The following EPHB1 variants were observed in gnomAD, a reference collection of about 807,000 sequenced individuals.
EPHB1 encodes the protein EPH receptor B1, also known as ephrin type-B receptor 1.
Under a neutral mutation model 94.4 loss-of-function variants are expected in EPHB1, and 30 were observed. The observed-to-expected ratio is 0.32, with a 90% CI of 0.24 to 0.43. The LOEUF (loss-of-function observed/expected upper bound fraction) is 0.43. Ranked by LOEUF, EPHB1 falls within the 20% of genes least tolerant of loss-of-function variation. The pLI is 1.00. For synonymous variants in EPHB1, 522 were observed against 489.1 expected (o/e 1.07, Z -0.89); for missense variants, 1,055 against 1,308.3 (o/e 0.81, Z 2.99).
intron 12 of EPHB1, among the ~76,000 whole-genome samples, chr3:135,226,743 T>G (rs1943413283): frequency 6.6e-6 from 1 of 152,160 alleles, no homozygotes; most frequent in Non-Finnish European, 1.5e-5. Flanking sequence ...TTGGCCTATC[T>G]GAAGAAAGAA....
At chr3:134,933,212 T>A (rs1242156162) in intron 2 of EPHB1, among the ~76,000 whole-genome samples, 1 of 152,138 alleles carries the variant, frequency 6.6e-6, no homozygotes, top group Non-Finnish European at 1.5e-5. Context: ...ACAGTGTAGG[T>A]TTCATGCTGG....
At chr3:135,110,928 G>C (rs900371008) in intron 4 of EPHB1, among the ~76,000 whole-genome samples, 1 of 152,226 alleles carries the variant, frequency 6.6e-6, no homozygotes, top group African/African-American at 2.4e-5. Context: ...AGACTGCCCA[G>C]GAGTGGGACA....
intron 4 of EPHB1, among the ~76,000 whole-genome samples, chr3:135,117,219 C>G (rs1939755935): frequency 6.6e-6 from 1 of 152,208 alleles, no homozygotes; most frequent in Admixed American, 6.5e-5. Flanking sequence ...AGGAATGAGT[C>G]TTATAGTCAG....
chr3:135,090,525 C>A (rs1427075107), intron 3 of EPHB1, among the ~76,000 whole-genome samples: 1 of 152,346 alleles, frequency 6.6e-6, no homozygotes, highest in East Asian at 1.9e-4. Context: ...TCTAGACTTG[C>A]AAAGTGCTAC....
At chr3:135,037,018 G>A (rs1936667373) in intron 3 of EPHB1, among the ~76,000 whole-genome samples, 1 of 152,086 alleles carries the variant, frequency 6.6e-6, no homozygotes. Flanking sequence ...GAAGATAGAT[G>A]GATTGTTGTT....
At chr3:135,112,811 C>G (rs1375677162) in intron 4 of EPHB1, among the ~76,000 whole-genome samples, 3 of 151,842 alleles carry the variant, frequency 2.0e-5, no homozygotes, top group Non-Finnish European at 2.9e-5. Flanking sequence ...TGGGTTGGTT[C>G]CAAGTCTTTG....
intron 1 of EPHB1, among the ~76,000 whole-genome samples, chr3:134,852,301 C>T (rs1357902441): frequency 1.3e-5 from 2 of 152,158 alleles, no homozygotes. Flanking sequence ...CAGCTTTTCA[C>T]AGATGGCTCT....
intron 1 of EPHB1, among the ~76,000 whole-genome samples, chr3:134,924,268 T>G (rs930136791): frequency 6.6e-5 from 10 of 152,182 alleles, no homozygotes; most frequent in Non-Finnish European, 1.3e-4. Flanking sequence ...ATTAAAAACT[T>G]CTGATTTTTG....
At chr3:135,035,227 T>C (rs1050432354) in intron 3 of EPHB1, among the ~76,000 whole-genome samples, 5 of 152,188 alleles carry the variant, frequency 3.3e-5, no homozygotes, top group African/African-American at 1.2e-4. Context: ...CTGTCCTGCA[T>C]CCATCGCTCC....
chr3:135,225,070 C>T (rs914938438), intron 12 of EPHB1, among the ~76,000 whole-genome samples: 9 of 152,146 alleles, frequency 5.9e-5, no homozygotes, highest in African/African-American at 1.7e-4. Flanking sequence ...AGCAGACAAG[C>T]TCCTCTCTGC....
intron 4 of EPHB1, among the ~76,000 whole-genome samples, chr3:135,132,195 G>T (rs375233394): frequency 6.6e-6 from 1 of 152,088 alleles, no homozygotes; most frequent in East Asian, 1.9e-4. Flanking sequence ...CTGGAAGCCT[G>T]TCCCTACAGA....
chr3:135,058,655 C>G (rs1937409996), intron 3 of EPHB1, among the ~76,000 whole-genome samples: 1 of 152,180 alleles, frequency 6.6e-6, no homozygotes, highest in African/African-American at 2.4e-5. Flanking sequence ...GCTAACATCC[C>G]CAGCATGTGA....
chr3:134,804,777 G>A (rs1578098779), intron 1 of EPHB1, among the ~76,000 whole-genome samples: 1 of 152,294 alleles, frequency 6.6e-6, no homozygotes, highest in South Asian at 2.1e-4. Context: ...GACATCAGAG[G>A]AGGACACTAG....
chr3:134,998,487 G>T (rs1238143351), intron 3 of EPHB1, among the ~76,000 whole-genome samples: 1 of 152,182 alleles, frequency 6.6e-6, no homozygotes, highest in Admixed American at 6.5e-5. Context: ...GTTAGGATGA[G>T]CATGTACTAA....
chr3:134,905,368 A>G (rs1207516670), intron 1 of EPHB1, among the ~76,000 whole-genome samples: 1 of 150,802 alleles, frequency 6.6e-6, no homozygotes, highest in East Asian at 1.9e-4. Context: ...CACTGCAGCC[A>G]CTCCCCGCCA....
At chr3:135,141,535 G>A (rs190887427) in intron 5 of EPHB1, among the ~76,000 whole-genome samples, 1 of 152,194 alleles carries the variant, frequency 6.6e-6, no homozygotes, top group Non-Finnish European at 1.5e-5. Context: ...TTTGCAGGAA[G>A]GGGCTTGCAT....
At chr3:134,997,012 G>A (rs1013804113) in intron 3 of EPHB1, among the ~76,000 whole-genome samples, 23 of 152,214 alleles carry the variant, frequency 1.5e-4, no homozygotes, top group African/African-American at 5.3e-4. Context: ...TCACTCTAAA[G>A]TTGTATAAAT....
intron 1 of EPHB1, among the ~76,000 whole-genome samples, chr3:134,833,743 G>A (rs905466636): frequency 1.3e-5 from 2 of 152,156 alleles, no homozygotes; most frequent in Admixed American, 1.3e-4. Context: ...ATGAGGAGGT[G>A]AAGAGCAGGG....
chr3:135,187,453 A>G (rs1461235228), intron 10 of EPHB1, among the ~76,000 whole-genome samples: 2 of 152,218 alleles, frequency 1.3e-5, no homozygotes, highest in Non-Finnish European at 2.9e-5. Flanking sequence ...GAATCGAAGT[A>G]CCACAGACAT....
Sources: gnomAD v4.1 joint callset for allele counts (sites outside exome capture counted in the v4.1 genomes callset) on GRCh38, gnomAD v4.1.1 for gene constraint, MANE v1.5 for transcripts, NCBI Gene and HGNC (gene_info 2026-07-23, HGNC 2026-07-21) for gene names.